Variants in SPAG16 observed in about 807,000 individuals in gnomAD.
The protein encoded by SPAG16 is sperm-associated antigen 16 protein.
SPAG16 carries 86 observed loss-of-function variants against 80.4 expected under a neutral mutation model. The ratio of observed to expected loss-of-function variants is 1.07; its 90% confidence interval spans 0.90 to 1.28. SPAG16 has a LOEUF of 1.28. Among genes scored for constraint, SPAG16 ranks in the 50% most tolerant of loss-of-function variants. The pLI, the probability that SPAG16 is intolerant of heterozygous loss-of-function variation, is 0.00. For missense variants in SPAG16, 870 were observed against 765.3 expected (o/e 1.14, Z -1.61); for synonymous variants, 294 against 265.9 (o/e 1.11, Z -1.03).
intron 9 of SPAG16, among the ~76,000 whole-genome samples, chr2:213,481,796 G>C (rs1436430910): frequency 6.6e-6 from 1 of 152,228 alleles, no homozygotes; most frequent in African/African-American, 2.4e-5. Flanking sequence ...GAACACAAAT[G>C]AATTGGATCA....
At chr2:214,165,704 C>G (rs1332911365) in intron 15 of SPAG16, among the ~76,000 whole-genome samples, 4 of 150,218 alleles carry the variant, frequency 2.7e-5, no homozygotes, top group African/African-American at 9.8e-5. Flanking sequence ...GGCTTTGGGA[C>G]AGCCAACTGA....
chr2:214,218,185 A>T (rs1027084933), intron 15 of SPAG16, among the ~76,000 whole-genome samples: 1 of 152,146 alleles, frequency 6.6e-6, no homozygotes, highest in Admixed American at 6.5e-5. Context: ...TTCTGTTGTC[A>T]GTCTTTTATG....
chr2:213,731,966 G>A (rs1179449249), intron 10 of SPAG16, among the ~76,000 whole-genome samples: 1 of 152,104 alleles, frequency 6.6e-6, no homozygotes, highest in Non-Finnish European at 1.5e-5. Context: ...GGCTTTTGAT[G>A]TTTTTGTCAT....
chr2:213,970,080 A>G (rs957163077), intron 12 of SPAG16, among the ~76,000 whole-genome samples: 2 of 152,098 alleles, frequency 1.3e-5, no homozygotes, highest in African/African-American at 4.8e-5. Context: ...TGGCAGAAGG[A>G]GCAAAAATGT....
At chr2:214,256,642 AAACAACAACAAC>A (rs565397319) in intron 15 of SPAG16, among the ~76,000 whole-genome samples, 2 of 151,952 alleles carry the variant, frequency 1.3e-5, no homozygotes, top group Non-Finnish European at 2.9e-5. Context: ...ACAAACAAAC[AAACAACAACAAC>A]AACAAGAACA....
intron 15 of SPAG16, among the ~76,000 whole-genome samples, chr2:214,158,120 C>A (rs2056293693): frequency 1.3e-5 from 2 of 152,000 alleles, no homozygotes; most frequent in African/African-American, 4.8e-5. Flanking sequence ...TCAACTTTAT[C>A]ATGAATAAAA....
intron 9 of SPAG16, among the ~76,000 whole-genome samples, chr2:213,470,458 C>T (rs1213389350): frequency 6.6e-6 from 1 of 152,162 alleles, no homozygotes; most frequent in Non-Finnish European, 1.5e-5. Context: ...AGTGTGTATT[C>T]CACTGGGCAC....
intron 1 of SPAG16, chr2:213,285,907 T>A (rs1187857687): frequency 7.8e-7 from 1 of 1,289,550 alleles, no homozygotes; most frequent in East Asian, 5.5e-5. Context: ...CCAGTGCCCT[T>A]GCTACTGAAT....
chr2:213,605,924 A>G (rs1224652649), intron 10 of SPAG16, among the ~76,000 whole-genome samples: 2 of 152,258 alleles, frequency 1.3e-5, no homozygotes, highest in Non-Finnish European at 2.9e-5. Flanking sequence ...GATATATAAT[A>G]GACCATTTAC....
chr2:213,931,232 A>G (rs536807025), intron 12 of SPAG16, among the ~76,000 whole-genome samples: 1 of 152,284 alleles, frequency 6.6e-6, no homozygotes, highest in African/African-American at 2.4e-5. Flanking sequence ...GCATTAGTGG[A>G]TAAGGAGCAT....
rs2057119738 is a variant in SPAG16, at chr2:214,177,180, A to G, written c.1720+27914A>G. ...ATGGATATGAAATTATTGTCCTATT[A>G]GACACCTAGACCCTATTTCCTGCAG... On this transcript the variant is annotated intron_variant, in intron 15 of 15. Coordinates refer to ENST00000331683, the MANE Select transcript of SPAG16 (RefSeq NM_024532.5). Among the ~76,000 whole-genome samples, 4 of 151,192 alleles carry G rather than the reference A, an allele frequency of 2.6e-5. No homozygotes were observed. In the South Asian group the frequency reaches 8.3e-4, roughly 31 times the overall value.
At chr2:214,091,468 G>A (rs1334685943) in intron 13 of SPAG16, among the ~76,000 whole-genome samples, 1 of 152,056 alleles carries the variant, frequency 6.6e-6, no homozygotes, top group Non-Finnish European at 1.5e-5. Flanking sequence ...CTTTCTCAAT[G>A]TACACACTAA....
In SPAG16 at chr2:214,380,377, T is replaced by G. The variant is rs189445251; in HGVS notation, c.1721-29763T>G. 5.9e-5 allele frequency among the ~76,000 whole-genome samples: 9 copies of G among 152,366 alleles called. No homozygotes were observed. The East Asian group carries it at 1.7e-3, about 29-fold the overall frequency. The stretch of plus-strand genomic sequence containing the variant: ...TGCCTAAAACAATTTTCAGAAATGC[T>G]TCTATTGAACTCTACTGAAATTACA... On this transcript the variant is annotated intron_variant, in intron 15 of 15. Transcript: ENST00000331683.
chr2:213,993,992 G>A (rs370864977), intron 12 of SPAG16, among the ~76,000 whole-genome samples: 3 of 152,302 alleles, frequency 2.0e-5, no homozygotes, highest in Non-Finnish European at 4.4e-5. Context: ...CATGGTAGAT[G>A]AGGGATACAA....
intron 10 of SPAG16, among the ~76,000 whole-genome samples, chr2:213,660,017 C>A (rs1237558959): frequency 6.6e-6 from 1 of 151,992 alleles, no homozygotes; most frequent in East Asian, 1.9e-4. Flanking sequence ...CTTAGAATAT[C>A]TGTGGAATCA....
chr2:214,151,972 T>G (rs1405503882), intron 15 of SPAG16, among the ~76,000 whole-genome samples: 2 of 152,160 alleles, frequency 1.3e-5, no homozygotes, highest in Admixed American at 1.3e-4. Flanking sequence ...CTAGATCAGT[T>G]TAATTTAAGG....
intron 15 of SPAG16, among the ~76,000 whole-genome samples, chr2:214,225,354 A>T (rs76455669): frequency 6.6e-6 from 1 of 152,242 alleles, no homozygotes; most frequent in East Asian, 1.9e-4. Context: ...TCCTAAATCT[A>T]GATTGTGGAG....
intron 11 of SPAG16, among the ~76,000 whole-genome samples, chr2:213,907,565 C>T (rs2077481583): frequency 6.6e-6 from 1 of 151,922 alleles, no homozygotes; most frequent in African/African-American, 2.4e-5. Context: ...AGCAGTATAT[C>T]AAAGTGATAA....
intron 12 of SPAG16, among the ~76,000 whole-genome samples, chr2:213,962,785 A>G (rs924280100): frequency 5.9e-5 from 9 of 152,190 alleles, no homozygotes; most frequent in African/African-American, 1.9e-4. Context: ...TCAGTTTCAG[A>G]GGTCATGTCT....
Sources: allele counts gnomAD v4.1 joint callset (sites outside exome capture counted in the v4.1 genomes callset), GRCh38; gene constraint gnomAD v4.1.1; transcripts MANE v1.5; gene names NCBI Gene and HGNC (gene_info 2026-07-23, HGNC 2026-07-21).